OSBPL1A: variants seen among roughly 807,000 people sequenced by gnomAD.
The protein encoded by OSBPL1A is oxysterol binding protein like 1A.
In OSBPL1A, 80 loss-of-function variants were observed where a neutral mutation model predicts 137.1. The observed-to-expected ratio is 0.58, with a 90% CI of 0.49 to 0.70. OSBPL1A has a LOEUF of 0.70. OSBPL1A is among the 30% of genes least tolerant of loss of function. The pLI is 0.00. For synonymous variants in OSBPL1A, 365 were observed against 389.7 expected, an observed-to-expected ratio of 0.94 and a Z score of 0.75; for missense variants, 970 against 1,129.4, an observed-to-expected ratio of 0.86 and a Z score of 2.02.
At chr18:24,303,310 A>G (rs532239370) in intron 14 of OSBPL1A, among the ~76,000 whole-genome samples, 1 of 152,308 alleles carries the variant, frequency 6.6e-6, no homozygotes, top group South Asian at 2.1e-4. Flanking sequence ...CTCAAGCTTT[A>G]GACATTCTGA....
intron 5 of OSBPL1A, 65 bp from the exon 6 acceptor site, chr18:24,334,395 A>ATTCTTT: frequency 7.5e-7 from 1 of 1,326,052 alleles, no homozygotes; most frequent in Non-Finnish European, 1.0e-6. Context: ...CATTATAAAG[A>ATTCTTT]ATAAAGTGAT....
chr18:24,259,031 G>A (rs924308570), intron 15 of OSBPL1A, among the ~76,000 whole-genome samples: 5 of 146,676 alleles, frequency 3.4e-5, no homozygotes, highest in Non-Finnish European at 7.4e-5. Flanking sequence ...TCCACTTTCC[G>A]GGTTCACGCC....
At chr18:24,185,515 T>C (rs1248526050) in intron 18 of OSBPL1A, among the ~76,000 whole-genome samples, 2 of 151,990 alleles carry the variant, frequency 1.3e-5, no homozygotes, top group African/African-American at 4.8e-5. Flanking sequence ...GAGACGAGGT[T>C]TCACCACGTT....
At chr18:24,177,485 G>A (rs2086479448) in intron 21 of OSBPL1A, among the ~76,000 whole-genome samples, 2 of 152,258 alleles carry the variant, frequency 1.3e-5, no homozygotes, top group African/African-American at 2.4e-5. Flanking sequence ...TCTTTGGGTT[G>A]TTGCTTTGTC....
intron 4 of OSBPL1A, among the ~76,000 whole-genome samples, chr18:24,355,284 A>ACT (rs2091513551): frequency 6.6e-6 from 1 of 151,786 alleles, no homozygotes; most frequent in Admixed American, 6.6e-5. Flanking sequence ...CAGGAGGATC[A>ACT]TGAGGTCAGG....
chr18:24,187,284 A>G (rs2086775872), intron 18 of OSBPL1A, among the ~76,000 whole-genome samples: 1 of 152,168 alleles, frequency 6.6e-6, no homozygotes. Flanking sequence ...CAGTTTTGCA[A>G]GCTGAAGAGA....
intron 17 of OSBPL1A, among the ~76,000 whole-genome samples, chr18:24,211,389 C>T (rs995599067): frequency 6.6e-6 from 1 of 152,176 alleles, no homozygotes; most frequent in African/African-American, 2.4e-5. Context: ...TAACTGGATT[C>T]TCATAACTGT....
In OSBPL1A at chr18:24,179,098, A is replaced by G. The variant is rs563960020; in HGVS notation, c.1910+640T>C. The G allele has an allele frequency of 7.2e-5, 11 of 152,382 alleles. No individual in the cohort carries two copies. The East Asian group carries it at 2.1e-3, about 29-fold the overall frequency. 9.4% of individuals were successfully genotyped at this position (152,382 alleles called of 1,614,324 possible). On this transcript the variant is annotated intron_variant, in intron 20 of 27. Transcript: ENST00000319481. Reference sequence around the variant, plus strand: ...GGCTAATGATGGGTGCAAGCCCACCACTGACCAGCACAGGAGTTTTGACCT... The same window carrying G: ...GGCTAATGATGGGTGCAAGCCCACCGCTGACCAGCACAGGAGTTTTGACCT...
At chr18:24,284,150 A>G (rs772320558) in intron 14 of OSBPL1A, among the ~76,000 whole-genome samples, 1 of 152,176 alleles carries the variant, frequency 6.6e-6, no homozygotes, top group Non-Finnish European at 1.5e-5. Context: ...GCCACACTGC[A>G]GTGTAGCACA....
chr18:24,237,448 G>A (rs1300480127), intron 16 of OSBPL1A, among the ~76,000 whole-genome samples: 8 of 152,062 alleles, frequency 5.3e-5, no homozygotes, highest in Non-Finnish European at 4.4e-5. Context: ...GGGATTACAG[G>A]CATGCACCAT....
chr18:24,235,883 A>G (rs1274780049), intron 16 of OSBPL1A, among the ~76,000 whole-genome samples: 1 of 152,212 alleles, frequency 6.6e-6, no homozygotes, highest in Non-Finnish European at 1.5e-5. Context: ...TGGGGAGATT[A>G]TACTGGATCA....
At chr18:24,211,332 C>T (rs2087537021) in intron 17 of OSBPL1A, among the ~76,000 whole-genome samples, 1 of 152,156 alleles carries the variant, frequency 6.6e-6, no homozygotes, top group Admixed American at 6.5e-5. Context: ...AAGAGTAGCA[C>T]TGTTTTACAT....
intron 1 of OSBPL1A, among the ~76,000 whole-genome samples, chr18:24,387,925 TC>T (rs1352239969): frequency 2.0e-5 from 3 of 152,038 alleles, no homozygotes; most frequent in Non-Finnish European, 4.4e-5. Context: ...TGCATCGCCT[TC>T]CCTAATTCTA....
At chr18:24,288,795 G>A (rs1397265961) in intron 14 of OSBPL1A, among the ~76,000 whole-genome samples, 13 of 151,156 alleles carry the variant, frequency 8.6e-5, no homozygotes. Flanking sequence ...TGGAGGCAGT[G>A]TGTCCAGCCA....
intron 24 of OSBPL1A, among the ~76,000 whole-genome samples, chr18:24,168,585 G>A (rs2086199251): frequency 6.6e-6 from 1 of 152,122 alleles, no homozygotes; most frequent in South Asian, 2.1e-4. Flanking sequence ...ATGGAATGAA[G>A]GCTTTGGAAG....
chr18:24,336,590 A>G (rs1018647807), intron 5 of OSBPL1A, among the ~76,000 whole-genome samples: 1 of 152,232 alleles, frequency 6.6e-6, no homozygotes. Flanking sequence ...ATCTCAATAA[A>G]TATTCCTAAA....
At chr18:24,163,601 C>T (rs2086071478) in intron 27 of OSBPL1A, among the ~76,000 whole-genome samples, 1 of 151,930 alleles carries the variant, frequency 6.6e-6, no homozygotes, top group Non-Finnish European at 1.5e-5. Flanking sequence ...TACCCTCTAG[C>T]CTGGGTCTTA....
intron 14 of OSBPL1A, among the ~76,000 whole-genome samples, chr18:24,299,042 G>A (rs2090348969): frequency 6.6e-6 from 1 of 152,036 alleles, no homozygotes; most frequent in African/African-American, 2.4e-5. Flanking sequence ...TGTAAAAATA[G>A]CTACTCCTGC....
At chr18:24,377,124 G>T (rs1385466349) in intron 2 of OSBPL1A, among the ~76,000 whole-genome samples, 1 of 152,246 alleles carries the variant, frequency 6.6e-6, no homozygotes, top group Non-Finnish European at 1.5e-5. Flanking sequence ...GGTCTGTGAG[G>T]ACTGCCAGCA....
Sources: gnomAD v4.1 joint callset for allele counts (sites outside exome capture counted in the v4.1 genomes callset) on GRCh38, gnomAD v4.1.1 for gene constraint, MANE v1.5 for transcripts, NCBI Gene and HGNC (gene_info 2026-07-23, HGNC 2026-07-21) for gene names.